MICAL2: variants seen among roughly 807,000 people sequenced by gnomAD.
MICAL2 encodes the protein [F-actin]-monooxygenase MICAL2.
In MICAL2, 77 loss-of-function variants were observed where a neutral mutation model predicts 127.3. That is an observed-to-expected ratio of 0.60 (90% CI 0.50 to 0.73). MICAL2 has a LOEUF of 0.73. MICAL2 is among the 30% of genes least tolerant of loss of function. The probability of loss-of-function intolerance (pLI) is 0.00; values close to 1 mark genes in which losing one functional copy is unlikely to be tolerated. For missense variants in MICAL2, 1,351 were observed against 1,434.4 expected, an observed-to-expected ratio of 0.94 and a Z score of 0.94; for synonymous variants, 570 against 551.1, an observed-to-expected ratio of 1.03 and a Z score of -0.48.
intron 3 of MICAL2, among the ~76,000 whole-genome samples, chr11:12,203,192 G>A (rs1283158108): frequency 1.3e-5 from 2 of 152,084 alleles, no homozygotes; most frequent in African/African-American, 2.4e-5. Flanking sequence ...TTTTACTTTG[G>A]GGCTATTGTG....
At chr11:12,272,012 G>A (rs746567902), upstream of MICAL2, among the ~76,000 whole-genome samples, 1 of 152,192 alleles carries the variant, frequency 6.6e-6, no homozygotes, top group Non-Finnish European at 1.5e-5. Flanking sequence ...TCTGTGCTCT[G>A]AGAGGCCATC....
chr11:12,269,645 C>T (rs1863652229), intron 24 of MICAL2, among the ~76,000 whole-genome samples: 1 of 152,192 alleles, frequency 6.6e-6, no homozygotes, highest in Admixed American at 6.5e-5. Context: ...GTGGGAGGAG[C>T]TGCTCAGCTC....
intron 4 of MICAL2, 83 bp downstream of exon 4, chr11:12,204,540 C>T: frequency 7.3e-7 from 1 of 1,375,620 alleles, no homozygotes; most frequent in South Asian, 1.3e-5. Flanking sequence ...TAGGAGTCCC[C>T]AGCTTGTTCC....
chr11:12,185,420 A>G (rs1206204236), intron 3 of MICAL2, among the ~76,000 whole-genome samples: 1 of 152,098 alleles, frequency 6.6e-6, no homozygotes, highest in East Asian at 1.9e-4. Context: ...CAAAGAAGAT[A>G]AGCTTCTCTC....
chr11:12,189,209 G>A (rs1250026741), intron 3 of MICAL2, among the ~76,000 whole-genome samples: 1 of 152,162 alleles, frequency 6.6e-6, no homozygotes, highest in African/African-American at 2.4e-5. Context: ...TGCATCTGCT[G>A]TAAGTGGCTT....
downstream of MICAL2, among the ~76,000 whole-genome samples, chr11:12,287,652 C>T (rs1174741334): frequency 3.9e-5 from 6 of 152,144 alleles, no homozygotes; most frequent in Non-Finnish European, 5.9e-5. Context: ...CATACACACA[C>T]ATACACACCT....
Position 12,242,240 on chromosome 11 carries a change from C to A in MICAL2, c.2364C>A (p.His788Gln). ...RQFPSVVVTG[H>Q]VLRELKQVSA... ...TCCCCTCTGTGGTCGTGACGGGGCA[C>A]GTGCTCAGAGAGCTCAAGCAAGTGT... The change falls in exon 19 of 28, where the codon CAC (histidine) becomes CAA (glutamine). Residue 788 changes from histidine (H) to glutamine (Q), a missense_variant. Physicochemically the swap from His to Gln is conservative, Grantham distance 24. This residue lies in a region of MICAL2 where 752 missense variants were observed against 719.4 expected (regional missense o/e 1.05). Transcript: ENST00000683283. The A allele has an allele frequency of 2.5e-6, 4 of 1,610,670 alleles. No individual in the cohort carries two copies. The highest frequency in any genetic ancestry group is 2.5e-6 in the Non-Finnish European group (3 of 1,177,406).
rs11022186 is a variant in MICAL2 at position 12,122,105 on chromosome 11, G to A, written c.-149+11379G>A. ...AGCATGCTGTCACAGACAGACCATG[G>A]GTTTTCAGTCACTGTAAACACTGGA... On this transcript the variant is annotated intron_variant, in intron 1 of 27. Transcript: ENST00000683283. Among the ~76,000 whole-genome samples the A allele has an allele frequency of 9.3e-3, 1,411 of 152,256 alleles. 12 individuals carry two copies. The highest frequency in any genetic ancestry group is 0.015 in the Non-Finnish European group (1,050 of 68,012).
At chr11:12,352,044 TCCCAAAGTGCTG>T (rs1433474744) in intron 33 of MICAL2, among the ~76,000 whole-genome samples, 3 of 152,112 alleles carry the variant, frequency 2.0e-5, no homozygotes, top group Non-Finnish European at 4.4e-5. Context: ...CACCTCGGCC[TCCCAAAGTGCTG>T]GAATTACAGG....
intron 4 of MICAL2, among the ~76,000 whole-genome samples, chr11:12,207,066 C>G (rs537683890): frequency 6.6e-6 from 1 of 152,294 alleles, no homozygotes; most frequent in South Asian, 2.1e-4. Flanking sequence ...TCAGCAGTGT[C>G]TCCAAAAGCT....
intron 32 of MICAL2, among the ~76,000 whole-genome samples, chr11:12,345,067 G>C (rs552578093): frequency 6.6e-6 from 1 of 150,412 alleles, no homozygotes; most frequent in Admixed American, 6.6e-5. Context: ...AGCCGAGATT[G>C]CGCCACTGCA....
intron 1 of MICAL2, among the ~76,000 whole-genome samples, chr11:12,125,159 G>T (rs539568069): frequency 6.6e-6 from 1 of 152,270 alleles, no homozygotes; most frequent in South Asian, 2.1e-4. Context: ...AGCCCAGTGG[G>T]GTCCATTTCC....
intron 34 of MICAL2, among the ~76,000 whole-genome samples, chr11:12,358,079 A>G (rs1343400366): frequency 6.6e-6 from 1 of 152,166 alleles, no homozygotes; most frequent in African/African-American, 2.4e-5. Flanking sequence ...CGCTTTGTAC[A>G]TATCTTCAAG....
chr11:12,171,615 GT>G (rs1856260870), intron 3 of MICAL2, among the ~76,000 whole-genome samples: 1 of 152,068 alleles, frequency 6.6e-6, no homozygotes, highest in African/African-American at 2.4e-5. Context: ...TGATTCTCAG[GT>G]TGTTCTCCTG....
At chr11:12,269,958 C>T (rs763214987) in intron 24 of MICAL2, among the ~76,000 whole-genome samples, 1 of 152,228 alleles carries the variant, frequency 6.6e-6, no homozygotes, top group Non-Finnish European at 1.5e-5. Flanking sequence ...CCTGAAGATC[C>T]GTGGACTCCT....
chr11:12,135,887 T>A (rs1222772616), intron 1 of MICAL2, among the ~76,000 whole-genome samples: 3 of 151,638 alleles, frequency 2.0e-5, no homozygotes, highest in Non-Finnish European at 4.4e-5. Flanking sequence ...CTGGTCTCGA[T>A]CTATCTCACA....
At chr11:12,327,239 C>G in exon 32 of MICAL2, 1 of 1,550,982 alleles carries the variant, frequency 6.4e-7, no homozygotes, top group East Asian at 2.4e-5. Context: ...GGGTGTGAGG[C>G]TGGAGAAGGC....
chr11:12,283,343 TAAAA>T (rs56832587), intron 2 of MICAL2, among the ~76,000 whole-genome samples: 6 of 132,574 alleles, frequency 4.5e-5, no homozygotes, highest in African/African-American at 5.5e-5. Flanking sequence ...GTGTGGAGTT[TAAAA>T]AAAAAAAAAA....
intron 3 of MICAL2, among the ~76,000 whole-genome samples, chr11:12,180,074 A>T (rs1857253111): frequency 6.6e-6 from 1 of 152,160 alleles, no homozygotes; most frequent in Non-Finnish European, 1.5e-5. Flanking sequence ...ACACACTGAA[A>T]TCAGGGTTCA....
Sources: gnomAD v4.1 joint callset for allele counts (sites outside exome capture counted in the v4.1 genomes callset) on GRCh38, gnomAD v4.1.1 for gene constraint, gnomAD v4.1.1 regional missense constraint, MANE v1.5 for transcripts, NCBI Gene and HGNC (gene_info 2026-07-23, HGNC 2026-07-21) for gene names.